Variants in TNRC6A observed in about 807,000 individuals in gnomAD.
TNRC6A encodes the protein trinucleotide repeat-containing gene 6A protein.
In TNRC6A, 44 loss-of-function variants were observed where a neutral mutation model predicts 221.2. The ratio of observed to expected loss-of-function variants is 0.20; its 90% CI spans 0.16 to 0.26. The LOEUF is 0.26. TNRC6A is among the 10% of genes least tolerant of loss of function. The pLI, the probability that TNRC6A is intolerant of heterozygous loss-of-function variation, is 1.00. For synonymous variants in TNRC6A, 847 were observed against 838.5 expected, an observed-to-expected ratio of 1.01 and a Z score of -0.18; for missense variants, 2,199 against 2,404.4, an observed-to-expected ratio of 0.91 and a Z score of 1.79.
intron 2 of TNRC6A, among the ~76,000 whole-genome samples, chr16:24,707,787 G>T (rs1008759552): frequency 6.6e-6 from 1 of 152,186 alleles, no homozygotes; most frequent in African/African-American, 2.4e-5. Context: ...GGGCCAGTGC[G>T]GTGGCTCACG....
intron 2 of TNRC6A, among the ~76,000 whole-genome samples, chr16:24,710,116 T>A (rs1402140563): frequency 2.7e-5 from 4 of 150,264 alleles, no homozygotes; most frequent in Non-Finnish European, 4.4e-5. Context: ...TCCCAGCTAC[T>A]CAGGAGGCTG....
intron 1 of TNRC6A, among the ~76,000 whole-genome samples, chr16:24,626,042 G>T (rs1345828390): frequency 4.6e-5 from 7 of 152,060 alleles, no homozygotes; most frequent in African/African-American, 1.7e-4. Context: ...AGATTCAGGG[G>T]TTACATGTGC....
chr16:24,622,186 A>G (rs983775383), intron 1 of TNRC6A, among the ~76,000 whole-genome samples: 1 of 152,148 alleles, frequency 6.6e-6, no homozygotes, highest in Non-Finnish European at 1.5e-5. Context: ...TTGAGAGGCC[A>G]AGGTGGGAGG....
chr16:24,675,702 CTATATATATATATATATA>C lies in TNRC6A; in HGVS notation n.402+34715_402+34732del, dbSNP rs60165161. Reference sequence around the variant, plus strand: ...TCTCTCTCTCTCTCTCTCTCTCTCTCTATATATATATATATATATATATATATATATATATATATGCAC... The same window carrying C: ...TCTCTCTCTCTCTCTCTCTCTCTCTCTATATATATATATATATATATGCAC... On this transcript the variant is annotated intron_variant and non_coding_transcript_variant, in intron 2 of 2. Coordinates refer to the TNRC6A transcript ENST00000566108. Among the ~76,000 whole-genome samples the C allele has an allele frequency of 4.8e-4, 16 of 33,262 alleles. No individual in the cohort carries two copies. In the South Asian group the frequency reaches 5.1e-3, roughly 11 times the overall value. 21.8% of individuals were successfully genotyped at this position (33,262 alleles called of 152,430 possible). A position where few individuals can be genotyped will look rare whatever the true frequency, so the allele number is the denominator to read the frequency against.
chr16:24,795,373 G>A (rs1265734711), intron 8 of TNRC6A, among the ~76,000 whole-genome samples: 2 of 152,174 alleles, frequency 1.3e-5, no homozygotes, highest in Non-Finnish European at 2.9e-5. Context: ...TGCAGAGCCA[G>A]GTTTGGGAAG....
At chr16:24,626,807 G>A (rs190736456) in intron 1 of TNRC6A, among the ~76,000 whole-genome samples, 3 of 151,538 alleles carry the variant, frequency 2.0e-5, no homozygotes, top group African/African-American at 7.3e-5. Context: ...CCACCACCAC[G>A]CCCGGCTAAT....
intron 2 of TNRC6A, among the ~76,000 whole-genome samples, chr16:24,683,885 T>C (rs532647922): frequency 6.6e-6 from 1 of 152,278 alleles, no homozygotes; most frequent in East Asian, 1.9e-4. Context: ...CAGTCTCTCT[T>C]CCCCTTCAAA....
At chr16:24,725,343 T>G (rs1417224820), upstream of TNRC6A, among the ~76,000 whole-genome samples, 5 of 152,034 alleles carry the variant, frequency 3.3e-5, no homozygotes, top group Non-Finnish European at 7.4e-5. Context: ...TGGCTAACTT[T>G]TGTATTTTTA....
chr16:24,616,885 C>T (rs1316746042), intron 1 of TNRC6A, among the ~76,000 whole-genome samples: 1 of 152,118 alleles, frequency 6.6e-6, no homozygotes, highest in Non-Finnish European at 1.5e-5. Context: ...CATGCCATTG[C>T]ACTCCAGCCT....
chr16:24,773,529 T>C (rs4788427), intron 4 of TNRC6A, among the ~76,000 whole-genome samples: 122,485 of 152,212 alleles, frequency 0.8, 49,829 homozygotes, highest in African/African-American at 0.93. Flanking sequence ...CATGCATGTG[T>C]GTGTGTTTGT....
intron 1 of TNRC6A, among the ~76,000 whole-genome samples, chr16:24,614,678 C>T (rs2141549136): frequency 6.6e-6 from 1 of 152,294 alleles, no homozygotes; most frequent in African/African-American, 2.4e-5. Flanking sequence ...GAACTCAATG[C>T]CTTCAGTGTT....
chr16:24,635,676 C>G (rs542528904), intron 1 of TNRC6A, among the ~76,000 whole-genome samples: 7 of 152,320 alleles, frequency 4.6e-5, no homozygotes, highest in Admixed American at 1.3e-4. Flanking sequence ...AAAACAATTA[C>G]CATTTGTGTA....
intron 2 of TNRC6A, among the ~76,000 whole-genome samples, chr16:24,676,244 C>G (rs776880807): frequency 1.3e-5 from 2 of 152,068 alleles, no homozygotes; most frequent in African/African-American, 2.4e-5. Flanking sequence ...CTGATGGCCT[C>G]CTTTTTGCAC....
intron 2 of TNRC6A, chr16:24,664,812 C>CAAAAAA (rs1555486918): frequency 3.0e-5 from 13 of 439,688 alleles, no homozygotes; most frequent in African/African-American, 2.9e-4. Context: ...CACACACACA[C>CAAAAAA]AAAACCTATA....
intron 2 of TNRC6A, among the ~76,000 whole-genome samples, chr16:24,657,342 A>C (rs1026082390): frequency 5.8e-5 from 8 of 139,004 alleles, no homozygotes; most frequent in African/African-American, 2.3e-4. Context: ...AAAAAAAAAA[A>C]CAAACAAACA....
At chr16:24,613,744 C>T (rs1761872400) in intron 1 of TNRC6A, among the ~76,000 whole-genome samples, 1 of 151,934 alleles carries the variant, frequency 6.6e-6, no homozygotes, top group African/African-American at 2.4e-5. Context: ...CCATGTTGGC[C>T]AGGCTAGTCT....
At chr16:24,741,852 T>G (rs1488513196) in intron 2 of TNRC6A, among the ~76,000 whole-genome samples, 3 of 152,178 alleles carry the variant, frequency 2.0e-5, no homozygotes, top group Non-Finnish European at 4.4e-5. Context: ...ATTTATTTTT[T>G]GGGGGACATG....
At position 24,708,271 on chromosome 16, in the gene TNRC6A, C is replaced by T. The variant is rs181020540; in HGVS notation, n.403-42455C>T. Among the ~76,000 whole-genome samples the T allele has an allele frequency of 2.0e-3, 298 of 146,334 alleles. 1 individual carries two copies. Among genetic ancestry groups the T allele is most frequent in the Non-Finnish European group, 3.7e-3 (245 of 66,878 alleles). ...TTTTTTTTTTTTTGAGACGGAGTCT[C>T]GCTCTGTCGCCCAGGCTGGGGTGCG... On this transcript the variant is annotated intron_variant and non_coding_transcript_variant, in intron 2 of 2. Coordinates refer to the TNRC6A transcript ENST00000566108.
At chr16:24,763,336 A>AT (rs2057403225) in intron 4 of TNRC6A, among the ~76,000 whole-genome samples, 2 of 152,252 alleles carry the variant, frequency 1.3e-5, no homozygotes, top group Non-Finnish European at 2.9e-5. Flanking sequence ...AAGGGCTTGA[A>AT]TAACAGTTAA....
Sources: allele counts gnomAD v4.1 joint callset (sites outside exome capture counted in the v4.1 genomes callset), GRCh38; gene constraint gnomAD v4.1.1; transcripts MANE v1.5; gene names NCBI Gene and HGNC (gene_info 2026-07-23, HGNC 2026-07-21).